Variants in PDE1A observed in about 807,000 individuals in gnomAD.
The protein encoded by PDE1A is dual specificity calcium/calmodulin-dependent 3',5'-cyclic nucleotide phosphodiesterase 1A.
PDE1A carries 35 observed loss-of-function variants against 61.7 expected under a neutral mutation model. The observed-to-expected ratio is 0.57, with a 90% CI of 0.43 to 0.75. The LOEUF is 0.75. PDE1A is among the 30% of genes least tolerant of loss of function. PDE1A has a pLI of 0.00. For missense variants in PDE1A, 597 were observed against 630.6 expected (o/e 0.95, Z 0.57); for synonymous variants, 232 against 213.2 (o/e 1.09, Z -0.77).
chr2:182,523,589 C>A (rs1030020561), upstream of PDE1A, among the ~76,000 whole-genome samples: 1 of 152,140 alleles, frequency 6.6e-6, no homozygotes, highest in Admixed American at 6.6e-5. Context: ...AGAAAACTTG[C>A]CTGTTACTAT....
intron 1 of PDE1A, among the ~76,000 whole-genome samples, chr2:182,320,834 T>C (rs1197226871): frequency 1.3e-5 from 2 of 152,190 alleles, no homozygotes; most frequent in Non-Finnish European, 2.9e-5. Flanking sequence ...TTGTGACTCC[T>C]TTGTCTCCAT....
At chr2:182,408,253 A>G (rs772292804) in intron 1 of PDE1A, among the ~76,000 whole-genome samples, 5 of 151,374 alleles carry the variant, frequency 3.3e-5, no homozygotes, top group Non-Finnish European at 5.9e-5. Context: ...TATTACTCCA[A>G]GCTATTTGGA....
the PDE1A span, among the ~76,000 whole-genome samples, chr2:182,625,511 TGAA>T: frequency 1.6e-3 from 241 of 152,334 alleles, 5 homozygotes; most frequent in East Asian, 0.04. Flanking sequence ...GACCATGCCT[TGAA>T]GAAATCTCTC....
chr2:182,515,848 T>C (rs990419957), intron 2 of PDE1A, among the ~76,000 whole-genome samples: 1 of 152,024 alleles, frequency 6.6e-6, no homozygotes, highest in Non-Finnish European at 1.5e-5. Context: ...CAGGGTTAGA[T>C]GGAGGTACAG....
At chr2:182,343,843 A>G (rs1698349083) in intron 1 of PDE1A, among the ~76,000 whole-genome samples, 1 of 150,654 alleles carries the variant, frequency 6.6e-6, no homozygotes, top group South Asian at 2.1e-4. Context: ...ATGTCCAAAT[A>G]CATAGTAATC....
intron 1 of PDE1A, among the ~76,000 whole-genome samples, chr2:182,403,828 T>C (rs1295496167): frequency 6.6e-6 from 1 of 151,844 alleles, no homozygotes; most frequent in African/African-American, 2.4e-5. Context: ...CACTGGGTCC[T>C]GTCAGGGGGT....
chr2:182,617,845 C>T, the PDE1A span, among the ~76,000 whole-genome samples: 2 of 152,196 alleles, frequency 1.3e-5, no homozygotes, highest in Admixed American at 6.5e-5. Context: ...GAAACCTCCA[C>T]ACCCCATCTG....
the PDE1A span, among the ~76,000 whole-genome samples, chr2:182,539,781 C>T: frequency 6.6e-6 from 1 of 152,244 alleles, no homozygotes; most frequent in South Asian, 2.1e-4. Flanking sequence ...CAATGAAATG[C>T]ATTGTTAATA....
At chr2:182,222,202 A>G (rs1441112510) in intron 7 of PDE1A, among the ~76,000 whole-genome samples, 1 of 152,072 alleles carries the variant, frequency 6.6e-6, no homozygotes, top group Non-Finnish European at 1.5e-5. Flanking sequence ...GTAATGGAAT[A>G]GTATTCAGTG....
intron 1 of PDE1A, among the ~76,000 whole-genome samples, chr2:182,353,689 A>ACC (rs1184643712): frequency 6.6e-6 from 1 of 152,134 alleles, no homozygotes; most frequent in Non-Finnish European, 1.5e-5. Context: ...TAATATAAAA[A>ACC]CCTATCTGTT....
At chr2:182,302,786 C>T (rs74657180) in intron 1 of PDE1A, among the ~76,000 whole-genome samples, 4,231 of 152,050 alleles carry the variant, frequency 0.028, 101 homozygotes, top group South Asian at 0.11. Flanking sequence ...CACTGATTTA[C>T]CAACTAAGTT....
the PDE1A span, among the ~76,000 whole-genome samples, chr2:182,690,110 A>C: frequency 6.6e-6 from 1 of 152,186 alleles, no homozygotes; most frequent in Non-Finnish European, 1.5e-5. Context: ...TATAAGGAGG[A>C]GCTGGTACCC....
At chr2:182,659,058 T>G in the PDE1A span, among the ~76,000 whole-genome samples, 1 of 152,194 alleles carries the variant, frequency 6.6e-6, no homozygotes, top group South Asian at 2.1e-4. Context: ...ATATTACCTA[T>G]TTAAAATAAT....
chr2:182,664,427 A>G, the PDE1A span, among the ~76,000 whole-genome samples: 1 of 152,218 alleles, frequency 6.6e-6, no homozygotes, highest in African/African-American at 2.4e-5. Context: ...TAAAAAGAGT[A>G]ACACAGAACC....
At chr2:182,463,868 G>A (rs1686475619) in intron 2 of PDE1A, among the ~76,000 whole-genome samples, 1 of 152,186 alleles carries the variant, frequency 6.6e-6, no homozygotes, top group Non-Finnish European at 1.5e-5. Context: ...CATGAAATCA[G>A]ATTCACCCAG....
chr2:182,342,874 T>C (rs1449438155), intron 1 of PDE1A, among the ~76,000 whole-genome samples: 3 of 152,214 alleles, frequency 2.0e-5, no homozygotes, highest in African/African-American at 7.2e-5. Flanking sequence ...TGTGTTATAC[T>C]GAAGAGAGGT....
chr2:182,229,912 C>A, intron 6 of PDE1A, 94 bp downstream of exon 6: 1 of 862,184 alleles, frequency 1.2e-6, no homozygotes. Context: ...CTTAGAATAC[C>A]TCTATGGGCA....
At chr2:182,269,933 A>C (rs755511973) in intron 1 of PDE1A, among the ~76,000 whole-genome samples, 1 of 152,164 alleles carries the variant, frequency 6.6e-6, no homozygotes, top group Admixed American at 6.6e-5. Context: ...GGCTATTGGT[A>C]TATACCTTCA....
chr2:182,378,530 A>C (rs1700548112), intron 1 of PDE1A, among the ~76,000 whole-genome samples: 1 of 152,152 alleles, frequency 6.6e-6, no homozygotes, highest in Admixed American at 6.5e-5. Flanking sequence ...AGTGATTTCT[A>C]GGAGTCCCTT....
Sources: gnomAD v4.1 joint callset for allele counts (sites outside exome capture counted in the v4.1 genomes callset) on GRCh38, gnomAD v4.1.1 for gene constraint, MANE v1.5 for transcripts, NCBI Gene and HGNC (gene_info 2026-07-23, HGNC 2026-07-21) for gene names.